The following NHS variants were observed in gnomAD, a reference collection of about 807,000 sequenced individuals.
The protein encoded by NHS is NHS actin remodeling regulator, also known as actin remodeling regulator NHS.
NHS carries 5 observed loss-of-function variants against 72.5 expected under a neutral mutation model. The ratio of observed to expected loss-of-function variants is 0.07; its 90% confidence interval spans 0.04 to 0.14. The LOEUF (loss-of-function observed/expected upper bound fraction) is 0.14. Ranked by LOEUF, NHS falls within the 10% of genes least tolerant of loss-of-function variation. The pLI, the probability that NHS is intolerant of heterozygous loss-of-function variation, is 1.00. For missense variants in NHS, 1,072 were observed against 1,355.7 expected (o/e 0.79, Z 3.29); for synonymous variants, 464 against 547.7 (o/e 0.85, Z 2.13).
intron 1 of NHS, chrX:17,635,732 G>T: frequency 4.3e-6 from 3 of 692,502 alleles, no homozygotes; most frequent in Non-Finnish European, 6.5e-6. Context: ...ATGAAAGTGA[G>T]CCCTTTCACA....
intron 1 of NHS, among the ~76,000 whole-genome samples, chrX:17,377,359 C>T (rs1442196318): frequency 8.9e-6 from 1 of 112,873 alleles, no homozygotes; most frequent in Non-Finnish European, 1.9e-5. Flanking sequence ...AATCTGGCGA[C>T]GGCAGAATCA....
At chrX:17,686,254 C>A (rs1424015140) in intron 1 of NHS, among the ~76,000 whole-genome samples, 1 of 112,314 alleles carries the variant, frequency 8.9e-6, no homozygotes, top group Admixed American at 9.4e-5. Context: ...TTCTGATGAG[C>A]CTTTTCTTCA....
chrX:17,393,886 G>GT (rs781183051), intron 1 of NHS, among the ~76,000 whole-genome samples: 3 of 111,586 alleles, frequency 2.7e-5, no homozygotes, highest in Non-Finnish European at 5.6e-5. Context: ...AGATTTGGGG[G>GT]TTTAAAAGGC....
chrX:17,558,811 T>C (rs1300648194), intron 1 of NHS, among the ~76,000 whole-genome samples: 1 of 112,293 alleles, frequency 8.9e-6, no homozygotes, highest in African/African-American at 3.2e-5. Context: ...TGCAAATTGT[T>C]TTGAAGGGTG....
intron 3 of NHS, among the ~76,000 whole-genome samples, chrX:17,711,258 T>A (rs2066327871): frequency 9.0e-6 from 1 of 111,656 alleles, no homozygotes; most frequent in African/African-American, 3.3e-5. Flanking sequence ...GGCATCAACA[T>A]CACAGTGATC....
chrX:17,428,992 A>G (rs2064671801), intron 1 of NHS, among the ~76,000 whole-genome samples: 1 of 111,870 alleles, frequency 8.9e-6, no homozygotes, highest in African/African-American at 3.3e-5. Flanking sequence ...CGCATCAGGC[A>G]CTACACCAGG....
At chrX:17,669,062 C>G (rs2066029021) in intron 1 of NHS, among the ~76,000 whole-genome samples, 1 of 112,292 alleles carries the variant, frequency 8.9e-6, no homozygotes, top group African/African-American at 3.2e-5. Context: ...CAAGAAGCAT[C>G]TGCCACAACA....
intron 1 of NHS, among the ~76,000 whole-genome samples, chrX:17,381,429 T>C: frequency 9.0e-6 from 1 of 111,408 alleles, no homozygotes. Context: ...ACCTGAAACA[T>C]CCTCCCCTCC....
chrX:17,549,552 A>G (rs2065318368), intron 1 of NHS, among the ~76,000 whole-genome samples: 1 of 111,869 alleles, frequency 8.9e-6, no homozygotes, highest in Admixed American at 9.5e-5. Context: ...ACTCAATGGC[A>G]TTACAGCCAG....
In NHS at chrX:17,434,536, C is replaced by T. The variant is rs187347347; in HGVS notation, c.565+58214C>T. 3.6e-3 allele frequency among the ~76,000 whole-genome samples: 383 copies of T among 106,351 alleles called. 4 individuals are homozygous for T. Among genetic ancestry groups the T allele is most frequent in the African/African-American group, 0.013 (368 of 28,828 alleles). 92.4% of individuals were successfully genotyped at this position (106,351 alleles called of 115,157 possible). A position where few individuals can be genotyped will look rare whatever the true frequency, so the allele number is the denominator to read the frequency against. On this transcript the variant is annotated intron_variant, in intron 1 of 8. Transcript: ENST00000676302. ...TTGGTTCACTGCAAGCTCCGCCTCC[C>T]GGGTTCACGCCATTCTTCTGCCTCA...
intron 1 of NHS, among the ~76,000 whole-genome samples, chrX:17,637,742 A>G (rs2065858694): frequency 8.9e-6 from 1 of 112,178 alleles, no homozygotes; most frequent in African/African-American, 3.2e-5. Flanking sequence ...CCAGCTTTCA[A>G]ACTGGAATCT....
rs1439819880 is a variant in NHS at position 17,727,898 on chromosome X, C to A, written c.3792C>A (p.Thr1264=). Residue 1264 remains threonine, a synonymous_variant, in exon 7 of 9, where the codon ACC becomes ACA. Transcript: ENST00000676302. ...AGCCTATTCCAGAAAACACGCCAAC[C>A]AAAAACTGTGCTTTTCCCACAGAAG... ...ETEPIPENTP[T]KNCAFPTEGF... is the part of the protein sequence containing the mutation. 2 of 1,211,745 alleles carry A rather than the reference C, an allele frequency of 1.7e-6. No individual in the cohort carries two copies. Among genetic ancestry groups the A allele is most frequent in the Non-Finnish European group, 1.1e-6 (1 of 895,535 alleles).
intron 1 of NHS, among the ~76,000 whole-genome samples, chrX:17,475,943 C>T (rs1349746229): frequency 1.8e-5 from 2 of 111,819 alleles, no homozygotes; most frequent in African/African-American, 6.5e-5. Context: ...TGTGCCCTCC[C>T]CTGCTACATG....
chrX:17,411,684 G>A (rs1445962844), intron 1 of NHS, among the ~76,000 whole-genome samples: 2 of 111,288 alleles, frequency 1.8e-5, no homozygotes, highest in Admixed American at 9.6e-5. Flanking sequence ...TAGAAATATT[G>A]AACTTAGAAA....
intron 1 of NHS, among the ~76,000 whole-genome samples, chrX:17,394,699 A>G (rs979561884): frequency 9.0e-6 from 1 of 111,367 alleles, no homozygotes; most frequent in African/African-American, 3.3e-5. Context: ...ACCATGGCCT[A>G]CACTTTGTTT....
rs2147149305 is a variant in NHS, at chrX:17,732,615, G to A, written c.*151G>A. On this transcript the variant is annotated 3_prime_UTR_variant, in exon 9 of 9. Transcript: ENST00000676302. ...AATTTCTAAATACAGTATGTGCTGG[G>A]TAAACAGAAAGTGGTTTAGACATTC... The A allele has an allele frequency of 1.2e-6, 1 of 848,056 alleles. No homozygotes were observed. Among genetic ancestry groups the A allele is most frequent in the East Asian group, 3.3e-5 (1 of 30,093 alleles). 69.9% of individuals were successfully genotyped at this position (848,056 alleles called of 1,213,427 possible). A position where few individuals can be genotyped will look rare whatever the true frequency, so the allele number is the denominator to read the frequency against.
chrX:17,654,586 A>C (rs749753808), intron 1 of NHS, among the ~76,000 whole-genome samples: 3 of 112,778 alleles, frequency 2.7e-5, no homozygotes, highest in African/African-American at 9.7e-5. Context: ...GTGTTTCACA[A>C]TTGTGAATTC....
rs192301340 is a variant in NHS at position 17,477,434 on chromosome X, C to T, written c.565+101112C>T. 3.5e-4 allele frequency among the ~76,000 whole-genome samples: 39 copies of T among 112,101 alleles called. No individual in the cohort carries two copies. In the East Asian group the frequency reaches 0.01, roughly 29 times the overall value. On this transcript the variant is annotated intron_variant, in intron 1 of 8. Transcript: ENST00000676302. The stretch of plus-strand genomic sequence containing the variant: ...AGGCATGAGCTGTGGGAGAAGAGCT[C>T]GGAGAAATCCCAAGGTGAGGGCAAC...
At chrX:17,427,851 G>T (rs949227230) in intron 1 of NHS, among the ~76,000 whole-genome samples, 1 of 112,143 alleles carries the variant, frequency 8.9e-6, no homozygotes, top group Admixed American at 9.4e-5. Context: ...TTTTCTAATC[G>T]TAAGTTGAAT....
Sources: gnomAD v4.1 joint callset for allele counts (sites outside exome capture counted in the v4.1 genomes callset) on GRCh38, gnomAD v4.1.1 for gene constraint, MANE v1.5 for transcripts, NCBI Gene and HGNC (gene_info 2026-07-23, HGNC 2026-07-21) for gene names.